Variants in ANO6 observed in about 807,000 individuals in gnomAD.
ANO6 encodes the protein anoctamin 6.
In ANO6, 106 loss-of-function variants were observed where a neutral mutation model predicts 117.5. The ratio of observed to expected loss-of-function variants is 0.90; its 90% confidence interval spans 0.77 to 1.06. ANO6 has a LOEUF of 1.06. ANO6 is among the 50% of genes least tolerant of loss of function. The pLI is 0.00. For synonymous variants in ANO6, 367 were observed against 385.1 expected, an observed-to-expected ratio of 0.95 and a Z score of 0.55; for missense variants, 955 against 1,121.1, an observed-to-expected ratio of 0.85 and a Z score of 2.12.
At chr12:45,372,422 A>G (rs1357571868) in intron 9 of ANO6, among the ~76,000 whole-genome samples, 1 of 143,422 alleles carries the variant, frequency 7.0e-6, no homozygotes, top group African/African-American at 2.7e-5. Context: ...GATTCACCAA[A>G]GTTGAAATGA....
chr12:45,372,286 T>C (rs1448892043), intron 9 of ANO6, among the ~76,000 whole-genome samples: 6 of 138,768 alleles, frequency 4.3e-5, no homozygotes, highest in Non-Finnish European at 4.7e-5. Context: ...GAAAACACTC[T>C]GCAGGATATT....
intron 1 of ANO6, among the ~76,000 whole-genome samples, chr12:45,298,463 G>T (rs1049935316): frequency 6.6e-6 from 1 of 152,116 alleles, no homozygotes; most frequent in African/African-American, 2.4e-5. Context: ...AGTTGTGTTA[G>T]ATTACCATAA....
chr12:45,373,178 T>A (rs1347835743), intron 9 of ANO6, among the ~76,000 whole-genome samples: 1 of 152,178 alleles, frequency 6.6e-6, no homozygotes, highest in Non-Finnish European at 1.5e-5. Flanking sequence ...TAAATATATA[T>A]GCACCCAGTA....
At chr12:45,284,469 G>C (rs1207941855) in intron 1 of ANO6, among the ~76,000 whole-genome samples, 1 of 152,204 alleles carries the variant, frequency 6.6e-6, no homozygotes, top group Admixed American at 6.5e-5. Context: ...AGATACGCGG[G>C]CAGGAGAAGG....
At chr12:45,304,024 T>G (rs572586311) in intron 2 of ANO6, among the ~76,000 whole-genome samples, 1 of 152,324 alleles carries the variant, frequency 6.6e-6, no homozygotes, top group African/African-American at 2.4e-5. Flanking sequence ...TCATAACATG[T>G]TCGGGAGAGA....
intron 8 of ANO6, among the ~76,000 whole-genome samples, chr12:45,358,783 C>CTT (rs397688092): frequency 5.5e-4 from 78 of 142,746 alleles, no homozygotes; most frequent in Admixed American, 2.9e-3. Context: ...TATGTCCCTC[C>CTT]TTTTTTTTTT....
chr12:45,279,398 T>A (rs1565661229), intron 1 of ANO6, among the ~76,000 whole-genome samples: 1 of 152,230 alleles, frequency 6.6e-6, no homozygotes, highest in African/African-American at 2.4e-5. Context: ...TCTCTCCTCC[T>A]CTATTTTCTT....
intron 19 of ANO6, among the ~76,000 whole-genome samples, chr12:45,428,843 T>G (rs1302558006): frequency 2.6e-5 from 4 of 152,190 alleles, no homozygotes; most frequent in African/African-American, 9.7e-5. Flanking sequence ...GGTATTCATT[T>G]TTTCTTTATC....
intron 16 of ANO6, among the ~76,000 whole-genome samples, chr12:45,415,898 G>A (rs191979121): frequency 1.3e-5 from 2 of 152,276 alleles, no homozygotes; most frequent in East Asian, 3.9e-4. Flanking sequence ...AGGTCTGCCA[G>A]TTAGGAGGGC....
At chr12:45,366,640 T>G (rs1593019891) in intron 8 of ANO6, among the ~76,000 whole-genome samples, 1 of 152,232 alleles carries the variant, frequency 6.6e-6, no homozygotes, top group Non-Finnish European at 1.5e-5. Context: ...TCAGAAGTAT[T>G]TTGACTGTTC....
At chr12:45,322,843 T>C (rs1200089979) in intron 2 of ANO6, among the ~76,000 whole-genome samples, 3 of 152,160 alleles carry the variant, frequency 2.0e-5, no homozygotes, top group Admixed American at 6.5e-5. Context: ...TAAAAAAAAT[T>C]GGGTGCTTTT....
At chr12:45,250,585 T>C (rs978671345) in intron 1 of ANO6, among the ~76,000 whole-genome samples, 5 of 151,832 alleles carry the variant, frequency 3.3e-5, no homozygotes, top group Admixed American at 3.3e-4. Context: ...GTTGTTGTTG[T>C]TGAGGGGTCG....
Position 45,439,735 on chromosome 12 carries a change from C to T in ANO6, c.2587C>T (p.Arg863Cys), listed in dbSNP as rs138623732. The T allele has an allele frequency of 1.2e-4, 191 of 1,546,424 alleles. No homozygotes were observed. In the African/African-American group the frequency reaches 1.5e-3, roughly 12 times the overall value. Reference sequence around the variant, plus strand: ...CATGATCTTGGCTCACTGCAACCTCCGCCTCCCAGTTGACTGCTGTATGTG... The same window carrying T: ...CATGATCTTGGCTCACTGCAACCTCTGCCTCCCAGTTGACTGCTGTATGTG... The change falls in exon 20 of 20, where the codon CGC becomes TGC. Residue 863 changes from arginine (R) to cysteine (C), a missense_variant. Coordinates refer to the ANO6 transcript ENST00000425752.
At chr12:45,218,022 G>A (rs777260549) in intron 1 of ANO6, among the ~76,000 whole-genome samples, 9 of 152,288 alleles carry the variant, frequency 5.9e-5, no homozygotes, top group Admixed American at 2.0e-4. Context: ...TTGAGGCATC[G>A]TATAAATTCA....
At chr12:45,367,909 A>G in intron 9 of ANO6, 116 bp downstream of exon 9, 1 of 775,902 alleles carries the variant, frequency 1.3e-6, no homozygotes, top group South Asian at 1.5e-5. Context: ...ATATTTTTCA[A>G]CTAACCTTTC....
intron 1 of ANO6, among the ~76,000 whole-genome samples, chr12:45,223,509 G>C (rs1423531969): frequency 6.6e-6 from 1 of 152,282 alleles, no homozygotes; most frequent in East Asian, 1.9e-4. Flanking sequence ...CCCCTCCCAA[G>C]TCTGTCACAA....
chr12:45,269,153 A>G (rs889563501), intron 1 of ANO6, among the ~76,000 whole-genome samples: 1 of 152,106 alleles, frequency 6.6e-6, no homozygotes, highest in Non-Finnish European at 1.5e-5. Flanking sequence ...ATCTGGCATT[A>G]TTTTATAAGC....
At chr12:45,372,256 G>T (rs1336771997) in intron 9 of ANO6, among the ~76,000 whole-genome samples, 5 of 146,316 alleles carry the variant, frequency 3.4e-5, no homozygotes, top group African/African-American at 5.0e-5. Context: ...GAAAGTGATG[G>T]GGAGAATGGA....
chr12:45,409,943 A>G (rs1201705631), intron 16 of ANO6, among the ~76,000 whole-genome samples: 1 of 152,118 alleles, frequency 6.6e-6, no homozygotes, highest in Non-Finnish European at 1.5e-5. Flanking sequence ...TTTAGTACTG[A>G]CAGGGTTTCA....
Sources: gnomAD v4.1 joint callset for allele counts (sites outside exome capture counted in the v4.1 genomes callset) on GRCh38, gnomAD v4.1.1 for gene constraint, MANE v1.5 for transcripts, NCBI Gene and HGNC (gene_info 2026-07-23, HGNC 2026-07-21) for gene names.